CDK17: variants seen among roughly 807,000 people sequenced by gnomAD.
CDK17 encodes the protein cyclin-dependent kinase 17.
A neutral mutation model predicts 77.6 loss-of-function variants in CDK17; 24 were observed. That is an observed-to-expected ratio of 0.31 (90% CI 0.22 to 0.44). The LOEUF is 0.44. CDK17 is among the 20% of genes least tolerant of loss of function. CDK17 has a pLI of 1.00. For missense variants in CDK17, 429 were observed against 622.5 expected, an observed-to-expected ratio of 0.69 and a Z score of 3.31; for synonymous variants, 203 against 210.4, an observed-to-expected ratio of 0.96 and a Z score of 0.30.
chr12:96,399,117 G>A (rs1592781629), intron 1 of CDK17: 1 of 152,468 alleles, frequency 6.6e-6, no homozygotes, highest in East Asian at 1.9e-4. Context: ...GTGAAAAGTA[G>A]GGGGAGAACG....
chr12:96,381,531 T>C (rs1365903306), intron 1 of CDK17, among the ~76,000 whole-genome samples: 4 of 152,108 alleles, frequency 2.6e-5, no homozygotes, highest in African/African-American at 7.2e-5. Context: ...AGACTTCTAG[T>C]GAGCTGAAAG....
At chr12:96,320,230 C>G (rs998961768) in intron 3 of CDK17, among the ~76,000 whole-genome samples, 10 of 147,312 alleles carry the variant, frequency 6.8e-5, no homozygotes, top group African/African-American at 1.5e-4. Context: ...GAATAAAATA[C>G]CTAGGAATCC....
At chr12:96,391,629 C>T (rs897014920) in intron 1 of CDK17, among the ~76,000 whole-genome samples, 14 of 152,188 alleles carry the variant, frequency 9.2e-5, no homozygotes, top group Admixed American at 8.5e-4. Context: ...TCCTGATACA[C>T]TGACCAATAT....
chr12:96,389,660 G>A (rs1038438809), intron 1 of CDK17, among the ~76,000 whole-genome samples: 1 of 152,172 alleles, frequency 6.6e-6, no homozygotes, highest in Non-Finnish European at 1.5e-5. Flanking sequence ...AGAAGACTGT[G>A]TAAGCTGAGG....
At chr12:96,311,206 T>C (rs757524661) in intron 4 of CDK17, 29 bp from the exon 5 acceptor site, 2 of 1,506,674 alleles carry the variant, frequency 1.3e-6, no homozygotes, top group East Asian at 2.5e-5. Context: ...TAATCCAAAA[T>C]AGTAAAGGCA....
chr12:96,330,137 T>C (rs899948697), intron 2 of CDK17, among the ~76,000 whole-genome samples: 1 of 152,218 alleles, frequency 6.6e-6, no homozygotes, highest in East Asian at 1.9e-4. Context: ...AATTGTCACC[T>C]ATTCTCATCA....
intron 1 of CDK17, among the ~76,000 whole-genome samples, chr12:96,338,036 G>C (rs1315714569): frequency 6.6e-6 from 1 of 152,166 alleles, no homozygotes; most frequent in Admixed American, 6.5e-5. Context: ...GCTTGTTTTT[G>C]TATGCCTGGG....
intron 3 of CDK17, among the ~76,000 whole-genome samples, chr12:96,314,832 T>G (rs1453943225): frequency 6.6e-6 from 1 of 152,252 alleles, no homozygotes; most frequent in Non-Finnish European, 1.5e-5. Context: ...TTTCCTATTT[T>G]ATCAACTTTG....
chr12:96,316,476 C>T (rs1952720992), intron 3 of CDK17, among the ~76,000 whole-genome samples: 2 of 147,690 alleles, frequency 1.4e-5, no homozygotes, highest in African/African-American at 2.5e-5. Flanking sequence ...GGCCTGCCTG[C>T]CTTTGTAGGC....
chr12:96,310,377 T>C (rs1462839665), intron 5 of CDK17, among the ~76,000 whole-genome samples: 13 of 152,090 alleles, frequency 8.5e-5, no homozygotes, highest in Admixed American at 8.5e-4. Flanking sequence ...CTCAGACGTT[T>C]TAATAAGGAT....
In CDK17 at chr12:96,311,194, G is replaced by C. The variant is rs753192891; in HGVS notation, c.418-17C>G. The C allele has an allele frequency of 6.8e-7, 1 of 1,470,332 alleles. No homozygotes were observed. Among genetic ancestry groups the C allele is most frequent in the Admixed American group, 2.6e-5 (1 of 37,842 alleles). The allele number at this position is 1,470,332 out of a possible 1,614,324, so 91.1% of individuals were successfully genotyped here. A position where few individuals can be genotyped will look rare whatever the true frequency, so the allele number is the denominator to read the frequency against. On this transcript the variant is annotated splice_polypyrimidine_tract_variant and intron_variant, in intron 4 of 16. Transcript: ENST00000261211. ...ATTTAAATCCTTAAAAAAAAAAAAAGGTAATCCAAAATAGTAAAGGCAAGG... is the reference window on the plus strand; with the variant it reads ...ATTTAAATCCTTAAAAAAAAAAAAACGTAATCCAAAATAGTAAAGGCAAGG...
chr12:96,393,354 C>CAAAAAAAA lies in CDK17; in HGVS notation c.-30+6624_-30+6631dup, dbSNP rs10633197. ...TACTCCAGCCTGTGAGGCTCCGCCT[C>CAAAAAAAA]AAAAAAAAAAAAAAAAAAAAAAAAA... is the stretch of plus-strand genomic sequence containing the variant. On this transcript the variant is annotated intron_variant, in intron 1 of 16. Coordinates refer to ENST00000261211, the MANE Select transcript of CDK17 (RefSeq NM_002595.5). 9.0e-4 allele frequency among the ~76,000 whole-genome samples: 39 copies of CAAAAAAAA among 43,330 alleles called. 1 individual carries two copies. Among genetic ancestry groups the CAAAAAAAA allele is most frequent in the African/African-American group, 1.7e-3 (19 of 11,062 alleles). The allele number at this position is 43,330 out of a possible 152,430, so 28.4% of individuals were successfully genotyped here.
In CDK17 at chr12:96,297,318, T is replaced by C; in HGVS notation, c.825A>G (p.Lys275=). 7 of 1,609,332 alleles carry C rather than the reference T, an allele frequency of 4.3e-6. No individual in the cohort carries two copies. Among genetic ancestry groups the C allele is most frequent in the Non-Finnish European group, 6.0e-6 (7 of 1,176,460 alleles). ...LVFEYLDKDL[K]QYMDDCGNIM... is the part of the protein sequence containing the mutation. ...TGTTTCCACAGTCATCCATGTACTGTTTCAGGTCTTTATCCTGGAAAAACA... is the reference window on the plus strand; with the variant it reads ...TGTTTCCACAGTCATCCATGTACTGCTTCAGGTCTTTATCCTGGAAAAACA... Residue 275 remains lysine, a synonymous_variant, in exon 9 of 17, where the codon AAA becomes AAG. Coordinates refer to ENST00000261211, the MANE Select transcript of CDK17 (RefSeq NM_002595.5).
chr12:96,292,885 A>C (rs1362269440), intron 10 of CDK17, among the ~76,000 whole-genome samples: 1 of 152,188 alleles, frequency 6.6e-6, no homozygotes, highest in Non-Finnish European at 1.5e-5. Context: ...ATTACTGAGC[A>C]TATAATAAAT....
At chr12:96,309,716 A>G (rs1952622094) in intron 5 of CDK17, among the ~76,000 whole-genome samples, 1 of 152,240 alleles carries the variant, frequency 6.6e-6, no homozygotes, top group Non-Finnish European at 1.5e-5. Context: ...AACATACAAT[A>G]AACATACGAT....
At chr12:96,280,675 A>C in intron 16 of CDK17, 133 bp downstream of exon 16, 1 of 1,455,874 alleles carries the variant, frequency 6.9e-7, no homozygotes, top group South Asian at 1.5e-5. Flanking sequence ...GCAATGCTAA[A>C]CATAAACAGT....
intron 2 of CDK17, among the ~76,000 whole-genome samples, chr12:96,332,426 C>T (rs773205231): frequency 1.1e-4 from 16 of 152,198 alleles, no homozygotes; most frequent in Non-Finnish European, 1.5e-4. Flanking sequence ...AAAGTATATA[C>T]GTGTCATTCA....
Position 96,297,691 on chromosome 12 carries a change from T to C in CDK17, c.746A>G (p.Asn249Ser), listed in dbSNP as rs1952428236. The change falls in exon 8 of 17, where the codon AAT (asparagine) becomes AGT (serine). Residue 249 changes from asparagine (N) to serine (S), a missense_variant. This residue lies in a region of CDK17 where 262 missense variants were observed against 385.4 expected (regional missense o/e 0.68). Transcript: ENST00000261211. ...AACAATGTCATGTAAGGTTACTATA[T>C]TTGCATGTTTTAAATCCTTTAATAG... ...VSLLKDLKHA[N>S]IVTLHDIVHT... The C allele has an allele frequency of 1.9e-6, 3 of 1,601,358 alleles. No individual in the cohort carries two copies. Among genetic ancestry groups the C allele is most frequent in the African/African-American group, 2.7e-5 (2 of 74,556 alleles).
intron 5 of CDK17, among the ~76,000 whole-genome samples, chr12:96,307,892 C>A (rs182842476): frequency 5.7e-4 from 86 of 151,064 alleles, no homozygotes; most frequent in East Asian, 2.3e-3. Context: ...CACACACACA[C>A]AAAAAATGTC....
Sources: gnomAD v4.1 joint callset for allele counts (sites outside exome capture counted in the v4.1 genomes callset) on GRCh38, gnomAD v4.1.1 for gene constraint, gnomAD v4.1.1 regional missense constraint, MANE v1.5 for transcripts, NCBI Gene and HGNC (gene_info 2026-07-23, HGNC 2026-07-21) for gene names.